The following VPS53 variants were observed in gnomAD, a reference collection of about 807,000 sequenced individuals.
The protein encoded by VPS53 is VPS53 subunit of GARP complex.
VPS53 carries 70 observed loss-of-function variants against 107.0 expected under a neutral mutation model. The ratio of observed to expected loss-of-function variants is 0.65; its 90% CI spans 0.54 to 0.80. The LOEUF (loss-of-function observed/expected upper bound fraction) is 0.80, where lower values mean the gene tolerates loss of function less well. VPS53 is among the 30% of genes least tolerant of loss of function. VPS53 has a pLI of 0.00. For synonymous variants in VPS53, 409 were observed against 393.3 expected (o/e 1.04, Z -0.47); for missense variants, 917 against 1,049.4 (o/e 0.87, Z 1.74).
At chr17:620,475 C>T (rs1450909494) in intron 11 of VPS53, among the ~76,000 whole-genome samples, 30 of 152,212 alleles carry the variant, frequency 2.0e-4, no homozygotes, top group Admixed American at 1.5e-3. Context: ...AGCCTGCCCC[C>T]GGCTTCAACC....
rs1265328615 is a variant in VPS53, at chr17:532,924, A to G, written c.2016-13T>C. Reference sequence around the variant, plus strand: ...GGGAATGAAGGAGCTGTGGATAAAAAAGAAGTGACAAATTAGGCTTATTCT... The same window carrying G: ...GGGAATGAAGGAGCTGTGGATAAAAGAGAAGTGACAAATTAGGCTTATTCT... On this transcript the variant is annotated splice_polypyrimidine_tract_variant and intron_variant, in intron 18 of 21. Transcript: ENST00000437048. 3 of 1,612,262 alleles carry G rather than the reference A, an allele frequency of 1.9e-6. No homozygotes were observed. Among genetic ancestry groups the G allele is most frequent in the Admixed American group, 1.7e-5 (1 of 59,728 alleles).
At chr17:570,755 A>G (rs1248154823) in intron 13 of VPS53, among the ~76,000 whole-genome samples, 1 of 152,180 alleles carries the variant, frequency 6.6e-6, no homozygotes, top group African/African-American at 2.4e-5. Flanking sequence ...AGGCCAACAA[A>G]CAAGCAGATT....
intron 11 of VPS53, among the ~76,000 whole-genome samples, chr17:611,472 T>G (rs1366172548): frequency 6.6e-6 from 1 of 152,218 alleles, no homozygotes; most frequent in Non-Finnish European, 1.5e-5. Context: ...AACTGGACCC[T>G]CCTACATTGT....
chr17:542,045 G>C (rs928312195), intron 17 of VPS53, among the ~76,000 whole-genome samples: 1 of 151,358 alleles, frequency 6.6e-6, no homozygotes, highest in Non-Finnish European at 1.5e-5. Flanking sequence ...GGGGCTGAAG[G>C]AATGTTTATC....
At chr17:631,455 ATG>A in intron 8 of VPS53, 93 bp downstream of exon 8, 1 of 1,313,096 alleles carries the variant, frequency 7.6e-7, no homozygotes, top group Non-Finnish European at 1.1e-6. Context: ...GCCAGCGAGC[ATG>A]ACTGGAATGA....
At chr17:536,994 A>T in intron 18 of VPS53, 34 bp downstream of exon 18, 3 of 1,610,438 alleles carry the variant, frequency 1.9e-6, no homozygotes, top group Non-Finnish European at 2.5e-6. Flanking sequence ...TAAAAAGAAC[A>T]AGAACCCAGA....
chr17:625,463 AC>A (rs1969661601), intron 10 of VPS53, among the ~76,000 whole-genome samples: 1 of 132,570 alleles, frequency 7.5e-6, no homozygotes, highest in South Asian at 2.6e-4. Flanking sequence ...ACACTGCGAG[AC>A]CCCCATCTCT....
At chr17:662,197 T>C (rs1971462275) in intron 4 of VPS53, among the ~76,000 whole-genome samples, 1 of 152,156 alleles carries the variant, frequency 6.6e-6, no homozygotes, top group Admixed American at 6.5e-5. Context: ...GACAAGTAGA[T>C]CTCTGTGTGT....
At chr17:639,921 C>G (rs150636095) in intron 7 of VPS53, among the ~76,000 whole-genome samples, 2 of 152,214 alleles carry the variant, frequency 1.3e-5, no homozygotes, top group Admixed American at 1.3e-4. Flanking sequence ...CTACTCTCTT[C>G]AAAGCTGTCA....
chr17:546,329 TCACACACACA>T lies in VPS53; in HGVS notation c.1866+5533_1866+5542del, dbSNP rs71371545. 9.7e-3 allele frequency among the ~76,000 whole-genome samples: 1,285 copies of T among 131,954 alleles called. 23 individuals are homozygous for T. Among genetic ancestry groups the T allele is most frequent in the African/African-American group, 0.027 (945 of 34,490 alleles). The allele number at this position is 131,954 out of a possible 152,430, so 86.6% of individuals were successfully genotyped here. A position where few individuals can be genotyped will look rare whatever the true frequency, so the allele number is the denominator to read the frequency against. On this transcript the variant is annotated intron_variant, in intron 17 of 21. Transcript: ENST00000437048. ...ATCAGGCAATGGTATCTTAGATATC[TCACACACACA>T]CACACACACACACACACACACACAC...
intron 11 of VPS53, among the ~76,000 whole-genome samples, chr17:612,318 T>C (rs1968923916): frequency 1.2e-5 from 1 of 80,416 alleles, no homozygotes; most frequent in Non-Finnish European, 2.4e-5. Flanking sequence ...ATTCAAATAG[T>C]GAATTCACAC....
At chr17:638,570 T>C (rs1245634014) in intron 7 of VPS53, among the ~76,000 whole-genome samples, 8 of 152,302 alleles carry the variant, frequency 5.3e-5, no homozygotes, top group Non-Finnish European at 7.4e-5. Flanking sequence ...TTCCTTTCCA[T>C]GTTTAGTGCT....
chr17:648,810 A>C (rs12949910), intron 7 of VPS53, among the ~76,000 whole-genome samples: 412 of 117,388 alleles, frequency 3.5e-3, no homozygotes, highest in East Asian at 7.9e-3. Flanking sequence ...GGAACAGGTA[A>C]TGAAGATCTT....
chr17:602,353 G>A (rs1202051595), intron 11 of VPS53, among the ~76,000 whole-genome samples: 1 of 152,222 alleles, frequency 6.6e-6, no homozygotes, highest in Non-Finnish European at 1.5e-5. Flanking sequence ...TCAGTGCCTA[G>A]CATGTAGCAG....
At chr17:636,207 GCTCT>G (rs1414883284) in intron 7 of VPS53, among the ~76,000 whole-genome samples, 4 of 152,086 alleles carry the variant, frequency 2.6e-5, no homozygotes, top group Admixed American at 6.5e-5. Flanking sequence ...TCATGATTTG[GCTCT>G]CTGTTTGTCT....
intron 5 of VPS53, among the ~76,000 whole-genome samples, chr17:658,099 C>A (rs1205471741): frequency 2.6e-5 from 2 of 77,326 alleles, no homozygotes; most frequent in Non-Finnish European, 5.0e-5. Flanking sequence ...GATACTCGGC[C>A]GTGAGTTCGT....
chr17:620,589 G>C (rs1330780481), intron 11 of VPS53, among the ~76,000 whole-genome samples: 1 of 152,132 alleles, frequency 6.6e-6, no homozygotes, highest in Non-Finnish European at 1.5e-5. Flanking sequence ...CACAGTGACT[G>C]ACTGCAGGTA....
Position 519,025 on chromosome 17 carries a change from G to A in VPS53, c.*103C>T. ...ACCCACATGTCCCAGGAAGTTTGAAGACCGACGATGTGAGAGTGCCGGGGA... is the reference window on the plus strand; with the variant it reads ...ACCCACATGTCCCAGGAAGTTTGAAAACCGACGATGTGAGAGTGCCGGGGA... On this transcript the variant is annotated 3_prime_UTR_variant, in exon 22 of 22. Coordinates refer to ENST00000437048, the MANE Select transcript of VPS53 (RefSeq NM_001128159.3). The surrounding 1 kb of genome is among the most constrained non-coding windows in gnomAD (Gnocchi z 5.0). The A allele has an allele frequency of 7.0e-6, 9 of 1,289,820 alleles. No individual in the cohort carries two copies. Among genetic ancestry groups the A allele is most frequent in the Middle Eastern group, 2.1e-4 (1 of 4,704 alleles). The allele number at this position is 1,289,820 out of a possible 1,614,324, so 79.9% of individuals were successfully genotyped here.
chr17:572,690 A>G (rs960782825), intron 13 of VPS53, among the ~76,000 whole-genome samples: 1 of 150,566 alleles, frequency 6.6e-6, no homozygotes, highest in Non-Finnish European at 1.5e-5. Context: ...ACCAAGAAAA[A>G]TTCTTCTGCC....
Sources: allele counts gnomAD v4.1 joint callset (sites outside exome capture counted in the v4.1 genomes callset), GRCh38; gene constraint gnomAD v4.1.1; non-coding constraint Gnocchi (gnomAD v3.1); transcripts MANE v1.5; gene names NCBI Gene and HGNC (gene_info 2026-07-23, HGNC 2026-07-21).